The following TTC33 variants were observed in gnomAD, a reference collection of about 807,000 sequenced individuals.
The protein encoded by TTC33 is tetratricopeptide repeat protein 33.
TTC33 carries 24 observed loss-of-function variants against 29.4 expected under a neutral mutation model. The ratio of observed to expected loss-of-function variants is 0.82; its 90% CI spans 0.59 to 1.15. TTC33 has a LOEUF of 1.15. TTC33 is among the 50% of genes most tolerant of loss of function. The pLI is 0.00. For synonymous variants in TTC33, 107 were observed against 100.3 expected (o/e 1.07, Z -0.40); for missense variants, 286 against 310.4 (o/e 0.92, Z 0.59).
At chr5:40,745,097 T>C (rs868106956) in intron 2 of TTC33, among the ~76,000 whole-genome samples, 2 of 152,178 alleles carry the variant, frequency 1.3e-5, no homozygotes, top group South Asian at 4.1e-4. Flanking sequence ...CAATAGTCAG[T>C]GTCATGGGGG....
At chr5:40,747,140 C>T in intron 1 of TTC33, 121 bp from the exon 2 acceptor site, 2 of 796,868 alleles carry the variant, frequency 2.5e-6, no homozygotes, top group Non-Finnish European at 3.9e-6. Flanking sequence ...CTCACCGTAA[C>T]CTCCGCCTCC....
chr5:40,739,161 G>C (rs1168406807), intron 2 of TTC33, among the ~76,000 whole-genome samples: 1 of 152,116 alleles, frequency 6.6e-6, no homozygotes, highest in Non-Finnish European at 1.5e-5. Flanking sequence ...CAAAAACACA[G>C]TTAAGGACTT....
intron 4 of TTC33, among the ~76,000 whole-genome samples, chr5:40,717,715 G>A (rs1431204661): frequency 2.0e-5 from 3 of 152,180 alleles, no homozygotes; most frequent in Non-Finnish European, 4.4e-5. Context: ...TGTTTTCTCT[G>A]AGTATACTTA....
chr5:40,730,404 A>G, intron 2 of TTC33, 61 bp from the exon 3 acceptor site: 1 of 1,424,404 alleles, frequency 7.0e-7, no homozygotes, highest in Non-Finnish European at 9.8e-7. Flanking sequence ...GACTTTCAAA[A>G]AAAAATTTTT....
At chr5:40,729,422 T>C (rs1023766212) in intron 3 of TTC33, among the ~76,000 whole-genome samples, 4 of 152,238 alleles carry the variant, frequency 2.6e-5, no homozygotes, top group African/African-American at 7.2e-5. Flanking sequence ...GATAACCTAT[T>C]CAAGTGCTCA....
chr5:40,716,052 G>T lies in TTC33; in HGVS notation c.*93C>A. On this transcript the variant is annotated 3_prime_UTR_variant, in exon 5 of 5. Transcript: ENST00000337702. ...TGAAAAACATATTTTACAACCAGGC[G>T]TTCTCCTATCTATCTCCAGAGTAAA... 1 of 1,061,250 alleles carries T rather than the reference G, an allele frequency of 9.4e-7. No homozygotes were observed. Among genetic ancestry groups the T allele is most frequent in the Non-Finnish European group, 1.3e-6 (1 of 750,092 alleles). 65.7% of individuals were successfully genotyped at this position (1,061,250 alleles called of 1,614,324 possible).
chr5:40,742,681 G>C (rs1250732561), intron 2 of TTC33, among the ~76,000 whole-genome samples: 1 of 152,014 alleles, frequency 6.6e-6, no homozygotes, highest in Admixed American at 6.6e-5. Flanking sequence ...ATCCTTGTGA[G>C]ATTAAAAAAA....
intron 1 of TTC33, among the ~76,000 whole-genome samples, chr5:40,750,386 T>C (rs147821963): frequency 2.4e-3 from 370 of 151,994 alleles, no homozygotes; most frequent in African/African-American, 8.6e-3. Flanking sequence ...CGAAATCTCA[T>C]CTCTACAAAA....
chr5:40,715,203 T>C lies in TTC33; in HGVS notation c.*942A>G, dbSNP rs1247481448. ...TGTAATTATTTTTCATTTCACTGAG[T>C]AGTTTCAAAAAAAGTTATCTAGAAA... On this transcript the variant is annotated 3_prime_UTR_variant, in exon 5 of 5. Transcript: ENST00000337702. 6.6e-6 allele frequency: 1 copy of C among 152,032 alleles called. No homozygotes were observed. Among genetic ancestry groups the C allele is most frequent in the African/African-American group, 2.4e-5 (1 of 41,430 alleles). 9.4% of individuals were successfully genotyped at this position (152,032 alleles called of 1,614,324 possible). A position where few individuals can be genotyped will look rare whatever the true frequency, so the allele number is the denominator to read the frequency against.
chr5:40,735,457 G>C (rs976196822), intron 2 of TTC33, among the ~76,000 whole-genome samples: 1 of 152,150 alleles, frequency 6.6e-6, no homozygotes, highest in Non-Finnish European at 1.5e-5. Context: ...GTGAAAAAAA[G>C]AAAGAAATCC....
rs1234820108 is a variant in TTC33 at position 40,713,366 on chromosome 5, G to C, written c.*2779C>G. 6.6e-6 allele frequency among the ~76,000 whole-genome samples: 1 copy of C among 152,056 alleles called. No homozygotes were observed. Among genetic ancestry groups the C allele is most frequent in the Non-Finnish European group, 1.5e-5 (1 of 67,994 alleles). ...TTCAAACAACTAAAAGGGCTATACT[G>C]TTCAGTTATAATCTTAAAAATTCTA... On this transcript the variant is annotated 3_prime_UTR_variant, in exon 5 of 5. Transcript: ENST00000337702.
intron 1 of TTC33, among the ~76,000 whole-genome samples, chr5:40,751,681 A>G (rs1023911789): frequency 2.0e-5 from 3 of 152,152 alleles, no homozygotes; most frequent in Non-Finnish European, 4.4e-5. Context: ...TCTTATGGCC[A>G]TGCGCAGTGG....
At chr5:40,752,761 T>C (rs1389633458) in intron 1 of TTC33, among the ~76,000 whole-genome samples, 1 of 152,198 alleles carries the variant, frequency 6.6e-6, no homozygotes, top group Non-Finnish European at 1.5e-5. Flanking sequence ...ATTACCAAAA[T>C]GTAGCACAGA....
intron 2 of TTC33, 52 bp from the exon 3 acceptor site, chr5:40,730,395 ACTTTC>A: frequency 6.7e-7 from 1 of 1,492,936 alleles, no homozygotes. Context: ...GCTTTTTTGG[ACTTTC>A]AAAAAAAAAT....
chr5:40,721,353 ATATAT>A (rs375626470), intron 4 of TTC33, among the ~76,000 whole-genome samples: 209 of 152,310 alleles, frequency 1.4e-3, no homozygotes, highest in African/African-American at 4.9e-3. Flanking sequence ...GAATTTCAAA[ATATAT>A]TACAAAGTGA....
intron 2 of TTC33, among the ~76,000 whole-genome samples, chr5:40,734,419 CT>C (rs1742501974): frequency 6.6e-6 from 1 of 152,166 alleles, no homozygotes; most frequent in Admixed American, 6.5e-5. Flanking sequence ...TGACCAAAGT[CT>C]GATTCCGCCA....
chr5:40,738,508 A>ACAATAC (rs1406127688), intron 2 of TTC33, among the ~76,000 whole-genome samples: 8 of 137,042 alleles, frequency 5.8e-5, no homozygotes, highest in Admixed American at 8.6e-5. Flanking sequence ...ACAATACAAT[A>ACAATAC]AAATACAATA....
At chr5:40,737,237 C>T (rs1376529385) in intron 2 of TTC33, among the ~76,000 whole-genome samples, 2 of 150,864 alleles carry the variant, frequency 1.3e-5, no homozygotes, top group African/African-American at 4.9e-5. Context: ...GTGGAGATTG[C>T]AATGAGACAA....
chr5:40,742,533 C>T (rs1742716213), intron 2 of TTC33, among the ~76,000 whole-genome samples: 1 of 152,134 alleles, frequency 6.6e-6, no homozygotes, highest in Non-Finnish European at 1.5e-5. Context: ...GAAACAAAGC[C>T]ATCTGGCACT....
Sources: allele counts gnomAD v4.1 joint callset (sites outside exome capture counted in the v4.1 genomes callset), GRCh38; gene constraint gnomAD v4.1.1; transcripts MANE v1.5; gene names NCBI Gene and HGNC (gene_info 2026-07-23, HGNC 2026-07-21).